Variants in FSTL4 observed in about 807,000 individuals in gnomAD.
FSTL4 encodes the protein follistatin-related protein 4.
In FSTL4, 28 loss-of-function variants were observed where a neutral mutation model predicts 78.2. That is an observed-to-expected ratio of 0.36 (90% CI 0.27 to 0.49). FSTL4 has a LOEUF of 0.49. FSTL4 is among the 20% of genes least tolerant of loss of function. The pLI, the probability that FSTL4 is intolerant of heterozygous loss-of-function variation, is 0.98. For synonymous variants in FSTL4, 422 were observed against 440.5 expected (o/e 0.96, Z 0.53); for missense variants, 922 against 1,084.9 (o/e 0.85, Z 2.11).
intron 3 of FSTL4, among the ~76,000 whole-genome samples, chr5:133,466,278 C>A (rs1757704746): frequency 6.6e-6 from 1 of 152,150 alleles, no homozygotes; most frequent in Admixed American, 6.5e-5. Context: ...TGCGGTGGCT[C>A]AAGCCTGTAA....
intron 4 of FSTL4, among the ~76,000 whole-genome samples, chr5:133,359,481 G>A (rs534961987): frequency 1.3e-5 from 2 of 152,292 alleles, no homozygotes; most frequent in South Asian, 2.1e-4. Flanking sequence ...ATAGGCAAAC[G>A]AACTTATCAT....
intron 6 of FSTL4, among the ~76,000 whole-genome samples, chr5:133,255,683 G>A (rs374022711): frequency 2.6e-5 from 4 of 152,186 alleles, no homozygotes; most frequent in African/African-American, 9.7e-5. Context: ...TTCCAGACAT[G>A]AGATGCCACA....
At chr5:133,343,212 G>C (rs1754622240) in intron 4 of FSTL4, among the ~76,000 whole-genome samples, 1 of 152,250 alleles carries the variant, frequency 6.6e-6, no homozygotes, top group Admixed American at 6.5e-5. Flanking sequence ...TCTGGAAGAA[G>C]AGAGAAAGTT....
the FSTL4 span, among the ~76,000 whole-genome samples, chr5:133,677,432 G>T: frequency 6.6e-6 from 1 of 152,184 alleles, no homozygotes; most frequent in African/African-American, 2.4e-5. Flanking sequence ...GACTTCTGAG[G>T]TCTCTACTGC....
intron 8 of FSTL4, among the ~76,000 whole-genome samples, chr5:133,231,467 T>C (rs192931589): frequency 2.5e-4 from 38 of 152,328 alleles, no homozygotes; most frequent in Non-Finnish European, 4.3e-4. Context: ...CCTTTGGCCC[T>C]GATATCCTCT....
At chr5:133,646,906 T>C in the FSTL4 span, among the ~76,000 whole-genome samples, 1 of 152,150 alleles carries the variant, frequency 6.6e-6, no homozygotes, top group African/African-American at 2.4e-5. Flanking sequence ...ATTTTCGTCG[T>C]TTTAGAGGCC....
the FSTL4 span, among the ~76,000 whole-genome samples, chr5:133,765,020 A>C: frequency 6.6e-6 from 1 of 152,246 alleles, no homozygotes; most frequent in Non-Finnish European, 1.5e-5. Context: ...TGCCGTCCCT[A>C]TGCTCTGGAA....
At chr5:133,466,494 A>C (rs1757711094) in intron 3 of FSTL4, among the ~76,000 whole-genome samples, 1 of 152,152 alleles carries the variant, frequency 6.6e-6, no homozygotes, top group East Asian at 1.9e-4. Context: ...GTGAGCCGAG[A>C]TAGCGCCACT....
At chr5:133,774,457 C>G in the FSTL4 span, among the ~76,000 whole-genome samples, 1 of 152,042 alleles carries the variant, frequency 6.6e-6, no homozygotes, top group African/African-American at 2.4e-5. Flanking sequence ...GGATAGCCCC[C>G]CATAACAATT....
intron 6 of FSTL4, among the ~76,000 whole-genome samples, chr5:133,304,765 T>C (rs761985550): frequency 6.6e-6 from 1 of 152,208 alleles, no homozygotes; most frequent in Non-Finnish European, 1.5e-5. Flanking sequence ...AAGAAGGAAC[T>C]GGTGCAGGGT....
At chr5:133,813,073 C>T in the FSTL4 span, among the ~76,000 whole-genome samples, 2 of 152,184 alleles carry the variant, frequency 1.3e-5, no homozygotes, top group Admixed American at 1.3e-4. Flanking sequence ...TAATATGGGC[C>T]AGTGAGTTTC....
the FSTL4 span, among the ~76,000 whole-genome samples, chr5:133,813,409 T>C: frequency 6.6e-6 from 1 of 152,234 alleles, no homozygotes; most frequent in Non-Finnish European, 1.5e-5. Flanking sequence ...GTGTACTTTA[T>C]ACACATTGAA....
chr5:133,634,384 C>A, the FSTL4 span, among the ~76,000 whole-genome samples: 1 of 134,374 alleles, frequency 7.4e-6, no homozygotes, highest in African/African-American at 2.7e-5. Context: ...AGGCTTTTCT[C>A]TCTCTCTCTT....
the FSTL4 span, among the ~76,000 whole-genome samples, chr5:133,758,393 T>A: frequency 6.6e-6 from 1 of 152,136 alleles, no homozygotes; most frequent in Admixed American, 6.5e-5. Context: ...AGAATAAACA[T>A]AAGGAAAGTG....
chr5:133,765,953 A>AT, the FSTL4 span, among the ~76,000 whole-genome samples: 1 of 152,236 alleles, frequency 6.6e-6, no homozygotes, highest in Admixed American at 6.5e-5. Flanking sequence ...AGAGCTGTGC[A>AT]GGAAAGTTTC....
the FSTL4 span, among the ~76,000 whole-genome samples, chr5:133,675,428 C>T: frequency 5.3e-5 from 8 of 152,366 alleles, no homozygotes; most frequent in African/African-American, 1.9e-4. Context: ...AGTGTGGTGG[C>T]CAGAAGGCTG....
chr5:133,329,434 A>C (rs75757567), intron 4 of FSTL4, among the ~76,000 whole-genome samples: 5,215 of 152,214 alleles, frequency 0.034, 287 homozygotes, highest in African/African-American at 0.11. Context: ...GTATTAACTT[A>C]CACACCTGTA....
chr5:133,619,798 T>A, the FSTL4 span, among the ~76,000 whole-genome samples: 1 of 152,236 alleles, frequency 6.6e-6, no homozygotes, highest in African/African-American at 2.4e-5. Context: ...CCTGCAAGCC[T>A]TTCACTACAA....
the FSTL4 span, among the ~76,000 whole-genome samples, chr5:133,700,754 CAG>C: frequency 6.6e-6 from 1 of 152,248 alleles, no homozygotes; most frequent in African/African-American, 2.4e-5. Context: ...CTCATCCACT[CAG>C]GGGGTAACAC....
Sources: gnomAD v4.1 joint callset for allele counts (sites outside exome capture counted in the v4.1 genomes callset) on GRCh38, gnomAD v4.1.1 for gene constraint, MANE v1.5 for transcripts, NCBI Gene and HGNC (gene_info 2026-07-23, HGNC 2026-07-21) for gene names.